The following RIOK1 variants were observed in gnomAD, a reference collection of about 807,000 sequenced individuals.
RIOK1 encodes serine/threonine-protein kinase RIO1.
In RIOK1, 66 loss-of-function variants were observed where a neutral mutation model predicts 73.5. That is an observed-to-expected ratio of 0.90 (90% CI 0.74 to 1.10). The LOEUF (loss-of-function observed/expected upper bound fraction) is 1.10. Among genes scored for constraint, RIOK1 ranks in the 50% least tolerant of loss-of-function variants. The pLI, the probability that RIOK1 is intolerant of heterozygous loss-of-function variation, is 0.00. For synonymous variants in RIOK1, 224 were observed against 226.8 expected (o/e 0.99, Z 0.11); for missense variants, 658 against 699.8 (o/e 0.94, Z 0.67).
In RIOK1 at chr6:7,390,159, G is replaced by C. The variant is rs113759950; in HGVS notation, c.71+86G>C. 3.3e-4 allele frequency: 360 copies of C among 1,104,306 alleles called. 1 individual carries two copies. In the African/African-American group the frequency reaches 5.2e-3, roughly 16 times the overall value. The allele number at this position is 1,104,306 out of a possible 1,614,324, so 68.4% of individuals were successfully genotyped here. On this transcript the variant is annotated intron_variant, in intron 1 of 16. Coordinates refer to ENST00000379834, the MANE Select transcript of RIOK1 (RefSeq NM_031480.3). Reference sequence around the variant, plus strand: ...GGTGTGGACTCTTGTTTGCGGTTTAGAGGGAGACTAGTGGTTCATCACTCA... The same window carrying C: ...GGTGTGGACTCTTGTTTGCGGTTTACAGGGAGACTAGTGGTTCATCACTCA...
chr6:7,398,514 TTGGTATTC>T (rs1761535000), intron 4 of RIOK1, among the ~76,000 whole-genome samples, 176 bp from the exon 5 acceptor site: 1 of 152,194 alleles, frequency 6.6e-6, no homozygotes, highest in African/African-American at 2.4e-5. Context: ...GAATTGAATT[TTGGTATTC>T]AGGGGAAATG....
chr6:7,393,840 T>G (rs1761402440), intron 2 of RIOK1, among the ~76,000 whole-genome samples: 1 of 152,218 alleles, frequency 6.6e-6, no homozygotes, highest in Non-Finnish European at 1.5e-5. Flanking sequence ...CCTCCAGGAT[T>G]GTTTATGGTA....
chr6:7,407,371 A>G (rs1172052030), intron 12 of RIOK1, among the ~76,000 whole-genome samples: 1 of 151,988 alleles, frequency 6.6e-6, no homozygotes, highest in African/African-American at 2.4e-5. Flanking sequence ...AGACCCCCTA[A>G]TGAGTGTGAG....
intron 12 of RIOK1, among the ~76,000 whole-genome samples, chr6:7,406,132 G>T (rs1483840935): frequency 1.3e-5 from 2 of 151,846 alleles, no homozygotes; most frequent in Non-Finnish European, 2.9e-5. Context: ...GAGTAGCTAG[G>T]ACTACAGGCA....
At chr6:7,404,653 G>T in intron 10 of RIOK1, 98 bp downstream of exon 10, 1 of 1,415,366 alleles carries the variant, frequency 7.1e-7, no homozygotes, top group Admixed American at 1.9e-5. Flanking sequence ...ACTAACTTCT[G>T]AAGTTTTATT....
chr6:7,412,651 CA>C (rs35985238), intron 14 of RIOK1, among the ~76,000 whole-genome samples: 60,319 of 123,290 alleles, frequency 0.49, 14,323 homozygotes, highest in Middle Eastern at 0.61. Flanking sequence ...GACTCCGTCT[CA>C]AAAAAAAAAA....
At chr6:7,399,026 G>A (rs545758366) in intron 5 of RIOK1, among the ~76,000 whole-genome samples, 3 of 152,120 alleles carry the variant, frequency 2.0e-5, no homozygotes, top group Non-Finnish European at 2.9e-5. Flanking sequence ...GAAAAGGTCC[G>A]TAGGAATTTT....
chr6:7,404,662 T>C (rs927787504), intron 10 of RIOK1, 107 bp downstream of exon 10: 9 of 1,333,322 alleles, frequency 6.8e-6, no homozygotes, highest in Non-Finnish European at 9.4e-6. Flanking sequence ...TGAAGTTTTA[T>C]TGTTGACTTC....
intron 15 of RIOK1, among the ~76,000 whole-genome samples, chr6:7,413,607 A>T (rs142248574): frequency 8.5e-4 from 129 of 152,348 alleles, no homozygotes; most frequent in Admixed American, 1.4e-3. Flanking sequence ...GAGTTATAAT[A>T]ACAGGTGTCA....
chr6:7,417,717 C>A lies in RIOK1; in HGVS notation c.*276C>A, dbSNP rs1218953443. On this transcript the variant is annotated 3_prime_UTR_variant, in exon 17 of 17. Coordinates refer to ENST00000379834, the MANE Select transcript of RIOK1 (RefSeq NM_031480.3). ...TACATTTTTATTTTTATATTTTTTT[C>A]TCTTACAAATATGTTTTTGGAAGCA... 4.9e-6 allele frequency: 1 copy of A among 203,104 alleles called. No homozygotes were observed. The highest frequency in any genetic ancestry group is 2.3e-5 in the African/African-American group (1 of 43,110). 12.6% of individuals were successfully genotyped at this position (203,104 alleles called of 1,614,324 possible).
rs757044473 is a variant in RIOK1, at chr6:7,411,385, G to A, written c.1323G>A (p.Glu441=). 6 of 1,613,612 alleles carry A rather than the reference G, an allele frequency of 3.7e-6. No homozygotes were observed. The African/African-American group carries it at 6.7e-5, about 18-fold the overall frequency. The change falls in exon 14 of 17, where the codon GAG becomes GAA. Residue 441 remains glutamate (E), a synonymous_variant. Transcript: ENST00000379834. ...CCTTGAATGAAGTGAAAAATTATGAGAGGGATATGGACATAATTATGAAAT... is the reference window on the plus strand; with the variant it reads ...CCTTGAATGAAGTGAAAAATTATGAAAGGGATATGGACATAATTATGAAAT... ...PRTLNEVKNY[E]RDMDIIMKLK... is the part of the protein sequence containing the mutation.
intron 10 of RIOK1, 78 bp from the exon 11 acceptor site, chr6:7,404,840 T>G: frequency 8.0e-7 from 1 of 1,244,056 alleles, no homozygotes; most frequent in Non-Finnish European, 1.2e-6. Context: ...TCCCTTGCTT[T>G]TAAGAGTAGA....
chr6:7,412,956 GTGT>G lies in RIOK1; in HGVS notation c.1443+16_1443+18del. On this transcript the variant is annotated intron_variant, in intron 15 of 16. Transcript: ENST00000379834. The stretch of plus-strand genomic sequence containing the variant: ...GGAGTTCAGAAGGTATGAAGAACAT[GTGT>G]TACTGTTTGTTTATGTGAAAACAGT... 1 of 1,512,382 alleles carries G rather than the reference GTGT, an allele frequency of 6.6e-7. No individual in the cohort carries two copies. Among genetic ancestry groups the G allele is most frequent in the African/African-American group, 1.4e-5 (1 of 70,174 alleles). 93.7% of individuals were successfully genotyped at this position (1,512,382 alleles called of 1,614,324 possible).
chr6:7,412,927 G>T lies in RIOK1; in HGVS notation c.1428G>T (p.Leu476Phe), dbSNP rs1179629407. The T allele has an allele frequency of 1.9e-6, 3 of 1,555,836 alleles. No homozygotes were observed. The highest frequency in any genetic ancestry group is 2.6e-6 in the Non-Finnish European group (3 of 1,154,640). ...CTGTTACAGGATTGAAGAAAGATTTGTCAGGAGTTCAGAAGGTATGAAGAA... is the reference window on the plus strand; with the variant it reads ...CTGTTACAGGATTGAAGAAAGATTTTTCAGGAGTTCAGAAGGTATGAAGAA... The part of the protein sequence containing the change: ...YQTVTGLKKD[L>F]SGVQKVPALL... Residue 476 changes from leucine (L) to phenylalanine (F), a missense_variant, in exon 15 of 17, where the codon TTG becomes TTT. Coordinates refer to ENST00000379834, the MANE Select transcript of RIOK1 (RefSeq NM_031480.3).
chr6:7,402,792 A>G (rs755167376), intron 7 of RIOK1, 25 bp from the exon 8 acceptor site: 4 of 1,605,206 alleles, frequency 2.5e-6, no homozygotes, highest in Admixed American at 1.7e-5. Context: ...AATGATTGAA[A>G]TAATAAACAT....
At chr6:7,398,430 C>T (rs1449701356) in intron 4 of RIOK1, among the ~76,000 whole-genome samples, 2 of 152,100 alleles carry the variant, frequency 1.3e-5, no homozygotes, top group East Asian at 1.9e-4. Flanking sequence ...TTTACCCTGG[C>T]GGCTCTTTGA....
chr6:7,390,440 C>G (rs1761302634), intron 1 of RIOK1, among the ~76,000 whole-genome samples: 2 of 152,204 alleles, frequency 1.3e-5, no homozygotes, highest in Admixed American at 1.3e-4. Flanking sequence ...CCGGAGGTAA[C>G]AAGAAGAACC....
intron 4 of RIOK1, among the ~76,000 whole-genome samples, chr6:7,397,157 A>T (rs921986415): frequency 2.6e-5 from 4 of 152,138 alleles, no homozygotes; most frequent in Non-Finnish European, 5.9e-5. Flanking sequence ...CCAGCTACTC[A>T]GGAGGCTGAG....
At chr6:7,391,694 C>T (rs1471708913) in intron 1 of RIOK1, among the ~76,000 whole-genome samples, 1 of 152,172 alleles carries the variant, frequency 6.6e-6, no homozygotes, top group African/African-American at 2.4e-5. Flanking sequence ...TTTTGTATGT[C>T]ACAGCTGGGG....
Sources: gnomAD v4.1 joint callset for allele counts (sites outside exome capture counted in the v4.1 genomes callset) on GRCh38, gnomAD v4.1.1 for gene constraint, MANE v1.5 for transcripts, NCBI Gene and HGNC (gene_info 2026-07-23, HGNC 2026-07-21) for gene names.